Variants in PLPP3 observed in about 807,000 individuals in gnomAD.
PLPP3 encodes the protein PAP2 beta.
A neutral mutation model predicts 29.6 loss-of-function variants in PLPP3; 6 were observed. That is an observed-to-expected ratio of 0.20 (90% CI 0.11 to 0.40). The LOEUF is 0.40. Ranked by LOEUF, PLPP3 falls within the 10% of genes least tolerant of loss-of-function variation. The pLI, the probability that PLPP3 is intolerant of heterozygous loss-of-function variation, is 1.00. For missense variants in PLPP3, 308 were observed against 407.7 expected (o/e 0.76, Z 2.11); for synonymous variants, 152 against 159.7 (o/e 0.95, Z 0.36).
At chr1:56,547,665 G>A (rs574801330) in intron 1 of PLPP3, among the ~76,000 whole-genome samples, 5 of 152,254 alleles carry the variant, frequency 3.3e-5, no homozygotes, top group African/African-American at 1.2e-4. Flanking sequence ...GGAGACTGCT[G>A]CTCAGTGATT....
chr1:56,545,989 G>A (rs12134109), intron 1 of PLPP3, among the ~76,000 whole-genome samples: 42,350 of 152,058 alleles, frequency 0.28, 5,977 homozygotes, highest in Admixed American at 0.33. Context: ...CATGGCCCGC[G>A]ATCTAGCTCA....
rs1645840480 is a variant in PLPP3, at chr1:56,524,514, T to A, written c.338A>T (p.Lys113Met). Residue 113 changes from lysine to methionine, a missense_variant, in exon 3 of 6, where the codon AAG (lysine) becomes ATG (methionine). By Grantham distance (95) the Lys-to-Met change is moderately conservative. Coordinates refer to ENST00000371250, the MANE Select transcript of PLPP3 (RefSeq NM_003713.5). This position sits in a 1 kb window ranked among gnomAD's most constrained non-coding sequence, Gnocchi z 4.3. Reference sequence around the variant, plus strand: ...GGGGTTCTGAATCGTCGACCGCGACTTCTTCAGGTAATAGATCCGGTAGAA... The same window carrying A: ...GGGGTTCTGAATCGTCGACCGCGACATCTTCAGGTAATAGATCCGGTAGAA... The part of the protein sequence containing the change: ...GEFYRIYYLK[K>M]SRSTIQNPYV... 1 of 1,612,732 alleles carries A rather than the reference T, an allele frequency of 6.2e-7. No homozygotes were observed. The highest frequency in any genetic ancestry group is 8.5e-7 in the Non-Finnish European group (1 of 1,178,756).
chr1:56,543,594 C>T (rs903233350), intron 1 of PLPP3, among the ~76,000 whole-genome samples: 1 of 152,140 alleles, frequency 6.6e-6, no homozygotes, highest in African/African-American at 2.4e-5. Context: ...TAATTAATTG[C>T]TACTGGTCTT....
chr1:56,546,681 G>A (rs1024134847), intron 1 of PLPP3, among the ~76,000 whole-genome samples: 1 of 152,186 alleles, frequency 6.6e-6, no homozygotes, highest in Non-Finnish European at 1.5e-5. Flanking sequence ...AGGTCACACA[G>A]TAAAATGAAC....
chr1:56,575,995 A>G (rs999858124), intron 1 of PLPP3, among the ~76,000 whole-genome samples: 1 of 152,226 alleles, frequency 6.6e-6, no homozygotes, highest in Non-Finnish European at 1.5e-5. Context: ...TGTATTTAAA[A>G]GCAATTAATC....
At position 56,524,347 on chromosome 1, in the gene PLPP3, T is replaced by G; in HGVS notation, c.505A>C (p.Ile169Leu). 6.2e-7 allele frequency: 1 copy of G among 1,614,054 alleles called. No homozygotes were observed. Among genetic ancestry groups the G allele is most frequent in the Non-Finnish European group, 8.5e-7 (1 of 1,179,954 alleles). ...LSVCNPDFSQ[I>L]NCSEGYIQNY... ...TGAATGTAGCCTTCAGAGCAGTTGATCTGGCTGAAATCAGGGTTGCAGACA... is the reference window on the plus strand; with the variant it reads ...TGAATGTAGCCTTCAGAGCAGTTGAGCTGGCTGAAATCAGGGTTGCAGACA... Residue 169 changes from isoleucine to leucine, a missense_variant, in exon 3 of 6, where the codon ATC becomes CTC. By Grantham distance (5) the Ile-to-Leu change is conservative. Transcript: ENST00000371250. This position sits in a 1 kb window ranked among gnomAD's most constrained non-coding sequence, Gnocchi z 4.3.
At chr1:56,563,718 A>T (rs1273336396) in intron 1 of PLPP3, among the ~76,000 whole-genome samples, 3 of 152,190 alleles carry the variant, frequency 2.0e-5, no homozygotes, top group African/African-American at 7.2e-5. Flanking sequence ...ATCAATGAGG[A>T]TTGCTATAGA....
intron 1 of PLPP3, among the ~76,000 whole-genome samples, chr1:56,553,088 G>A (rs929620218): frequency 5.9e-5 from 9 of 152,142 alleles, no homozygotes; most frequent in African/African-American, 1.7e-4. Flanking sequence ...GTTTTACCTG[G>A]GAGATGTGCA....
intron 2 of PLPP3, among the ~76,000 whole-genome samples, chr1:56,526,589 T>C (rs894623647): frequency 2.0e-5 from 3 of 152,184 alleles, no homozygotes; most frequent in African/African-American, 4.8e-5. Context: ...ATAAGTCATA[T>C]GAGATTTTTT....
At chr1:56,536,244 G>A (rs1361914826) in intron 2 of PLPP3, among the ~76,000 whole-genome samples, 2 of 152,124 alleles carry the variant, frequency 1.3e-5, no homozygotes, top group African/African-American at 4.8e-5. Flanking sequence ...ACCTTTTTCA[G>A]GGAAAGCCAT....
chr1:56,557,985 CT>C (rs972557579), intron 1 of PLPP3, among the ~76,000 whole-genome samples: 2 of 152,178 alleles, frequency 1.3e-5, no homozygotes, highest in African/African-American at 4.8e-5. Context: ...AACCCCCTTG[CT>C]TTTGAGAACT....
At chr1:56,548,149 G>A (rs926855996) in intron 1 of PLPP3, among the ~76,000 whole-genome samples, 7 of 152,288 alleles carry the variant, frequency 4.6e-5, no homozygotes, top group South Asian at 4.1e-4. Context: ...GACTGGAGCC[G>A]TTCCAGGGTG....
intron 2 of PLPP3, among the ~76,000 whole-genome samples, chr1:56,534,170 T>C (rs1050712252): frequency 2.0e-5 from 3 of 152,216 alleles, no homozygotes; most frequent in Admixed American, 2.0e-4. Flanking sequence ...GATATTTTAC[T>C]GTTTGCTCCT....
At chr1:56,528,374 T>A (rs1186839768) in intron 2 of PLPP3, among the ~76,000 whole-genome samples, 2 of 152,154 alleles carry the variant, frequency 1.3e-5, no homozygotes, top group Non-Finnish European at 2.9e-5. Flanking sequence ...TACAAATATT[T>A]AACTGTTATG....
intron 5 of PLPP3, among the ~76,000 whole-genome samples, chr1:56,504,220 G>C (rs1645686804): frequency 6.6e-6 from 1 of 152,212 alleles, no homozygotes; most frequent in Non-Finnish European, 1.5e-5. Flanking sequence ...GTCCCAGCTA[G>C]TCAGGAAGTT....
intron 1 of PLPP3, among the ~76,000 whole-genome samples, chr1:56,543,132 T>C (rs939675090): frequency 2.0e-5 from 3 of 152,114 alleles, no homozygotes; most frequent in South Asian, 2.1e-4. Context: ...GGATCAGAAA[T>C]GTTCATCAGT....
Position 56,496,669 on chromosome 1 carries a change from A to G in PLPP3, c.818T>C (p.Phe273Ser). 6.2e-7 allele frequency: 1 copy of G among 1,612,852 alleles called. No homozygotes were observed. The highest frequency in any genetic ancestry group is 8.5e-7 in the Non-Finnish European group (1 of 1,179,490). ...CTTAGTCTTGAAGAGGTCAGACACG[A>G]AGAAAACCTAGAAGCACAAATCAGA... Reference protein sequence around the residue: ...GALVACCIVFFVSDLFKTKTT... With the variant: ...GALVACCIVFSVSDLFKTKTT... Residue 273 changes from phenylalanine to serine, a missense_variant, in exon 6 of 6, where the codon TTC becomes TCC. Physicochemically the swap from Phe to Ser is radical, Grantham distance 155. Around this residue, in one of 3 missense-constraint regions of PLPP3, gnomAD observed 232 missense variants for 317.2 expected, o/e 0.73. Coordinates refer to ENST00000371250, the MANE Select transcript of PLPP3 (RefSeq NM_003713.5).
intron 4 of PLPP3, among the ~76,000 whole-genome samples, chr1:56,520,331 T>C (rs1384293492): frequency 6.6e-6 from 1 of 152,100 alleles, no homozygotes; most frequent in Non-Finnish European, 1.5e-5. Flanking sequence ...GTGCTAAACC[T>C]GGCTGACCCA....
chr1:56,576,653 T>C (rs993110944), intron 1 of PLPP3, among the ~76,000 whole-genome samples: 1 of 152,218 alleles, frequency 6.6e-6, no homozygotes, highest in Non-Finnish European at 1.5e-5. Context: ...ACAGAATACA[T>C]GGTCCTGACG....
Sources: gnomAD v4.1 joint callset for allele counts (sites outside exome capture counted in the v4.1 genomes callset) on GRCh38, gnomAD v4.1.1 for gene constraint, gnomAD v4.1.1 regional missense constraint, Gnocchi (gnomAD v3.1) non-coding constraint, MANE v1.5 for transcripts, NCBI Gene and HGNC (gene_info 2026-07-23, HGNC 2026-07-21) for gene names.